The following CDK14 variants were observed in gnomAD, a reference collection of about 807,000 sequenced individuals.
CDK14 encodes the protein cyclin-dependent kinase 14.
CDK14 carries 34 observed loss-of-function variants against 60.7 expected under a neutral mutation model. That is an observed-to-expected ratio of 0.56 (90% CI 0.43 to 0.75). The LOEUF (loss-of-function observed/expected upper bound fraction) is 0.75, where lower values mean the gene tolerates loss of function less well. Among genes scored for constraint, CDK14 ranks in the 30% least tolerant of loss-of-function variants. CDK14 has a pLI of 0.00. For missense variants in CDK14, 482 were observed against 564.1 expected (o/e 0.85, Z 1.47); for synonymous variants, 197 against 203.7 (o/e 0.97, Z 0.28).
intron 11 of CDK14, among the ~76,000 whole-genome samples, chr7:91,054,160 T>A (rs1797484554): frequency 6.7e-6 from 1 of 149,292 alleles, no homozygotes; most frequent in Admixed American, 6.7e-5. Flanking sequence ...TCCCACTTAC[T>A]CTTTACACTT....
intron 14 of CDK14, among the ~76,000 whole-genome samples, chr7:91,158,098 T>C: frequency 6.8e-6 from 1 of 147,634 alleles, no homozygotes; most frequent in Non-Finnish European, 1.5e-5. Context: ...ATTAAATATA[T>C]ATAAATATTT....
intron 10 of CDK14, among the ~76,000 whole-genome samples, chr7:91,034,979 T>A (rs962683160): frequency 8.7e-5 from 10 of 115,234 alleles, no homozygotes; most frequent in Non-Finnish European, 7.8e-5. Flanking sequence ...CACACACACA[T>A]TGATAGCTTA....
intron 12 of CDK14, among the ~76,000 whole-genome samples, chr7:91,099,572 T>C (rs1237012558): frequency 6.6e-6 from 1 of 152,132 alleles, no homozygotes; most frequent in Non-Finnish European, 1.5e-5. Flanking sequence ...TTTTAAAACC[T>C]GTGAAGTCGG....
At chr7:90,711,882 A>ACGTTTTTTTTT (rs1408956904) in intron 2 of CDK14, among the ~76,000 whole-genome samples, 3 of 110,820 alleles carry the variant, frequency 2.7e-5, no homozygotes. Flanking sequence ...ATAGTCTACT[A>ACGTTTTTTTTT]TGTTTTTTTT....
At chr7:91,028,593 T>G (rs1293912140) in intron 10 of CDK14, among the ~76,000 whole-genome samples, 1 of 152,156 alleles carries the variant, frequency 6.6e-6, no homozygotes, top group Non-Finnish European at 1.5e-5. Context: ...CAACACCTAT[T>G]TTTTGACTTT....
intron 2 of CDK14, among the ~76,000 whole-genome samples, chr7:90,633,375 A>T (rs1350791434): frequency 6.6e-6 from 1 of 152,204 alleles, no homozygotes; most frequent in Non-Finnish European, 1.5e-5. Context: ...TTTAATATGT[A>T]CCTCATGGTA....
chr7:91,205,154 A>G (rs892525980), intron 14 of CDK14, among the ~76,000 whole-genome samples: 1 of 152,172 alleles, frequency 6.6e-6, no homozygotes, highest in African/African-American at 2.4e-5. Context: ...TAAACATATA[A>G]TTTCCATATG....
intron 11 of CDK14, among the ~76,000 whole-genome samples, chr7:91,068,591 C>T (rs928888751): frequency 6.6e-6 from 1 of 152,084 alleles, no homozygotes; most frequent in African/African-American, 2.4e-5. Flanking sequence ...CCCTTTCTGT[C>T]GCACTTCATT....
chr7:90,923,107 CTTT>C (rs1319576107), intron 8 of CDK14, among the ~76,000 whole-genome samples: 5 of 129,354 alleles, frequency 3.9e-5, no homozygotes, highest in African/African-American at 2.8e-5. Flanking sequence ...CCCTAAACAT[CTTT>C]TTTTTTTTTT....
chr7:90,958,671 T>G (rs1794506584), intron 9 of CDK14, among the ~76,000 whole-genome samples: 1 of 152,188 alleles, frequency 6.6e-6, no homozygotes, highest in Non-Finnish European at 1.5e-5. Context: ...TTCTCATCCC[T>G]TTCCTACTTC....
intron 3 of CDK14, among the ~76,000 whole-genome samples, chr7:90,742,093 C>CTCCTA (rs1803370727): frequency 6.6e-6 from 1 of 151,774 alleles, no homozygotes; most frequent in African/African-American, 2.4e-5. Context: ...TGATACTTGG[C>CTCCTA]CTTTTGTTTA....
chr7:90,863,851 C>T (rs1185123507), intron 6 of CDK14, among the ~76,000 whole-genome samples: 1 of 152,078 alleles, frequency 6.6e-6, no homozygotes, highest in Non-Finnish European at 1.5e-5. Flanking sequence ...AAGACTTGGA[C>T]TTGAACTCAT....
Position 90,826,606 on chromosome 7 carries a change from G to A in CDK14, c.544+35954G>A, listed in dbSNP as rs59377969. On this transcript the variant is annotated intron_variant, in intron 5 of 14. Coordinates refer to ENST00000380050, the MANE Select transcript of CDK14 (RefSeq NM_001287135.2). ...AGTTCTAGCAGGAAGGCAAGGTTGG[G>A]GGAGTTTTTTGTTTTTTAAAAAGGC... 6.0e-3 allele frequency among the ~76,000 whole-genome samples: 913 copies of A among 152,142 alleles called. 15 individuals carry two copies. Among genetic ancestry groups the A allele is most frequent in the African/African-American group, 0.021 (863 of 41,514 alleles).
chr7:91,103,406 A>G (rs535950375), intron 12 of CDK14, among the ~76,000 whole-genome samples: 1 of 151,902 alleles, frequency 6.6e-6, no homozygotes, highest in African/African-American at 2.4e-5. Context: ...CTGGCAGAGG[A>G]CTCCAGGTTT....
At chr7:91,183,688 A>G (rs569507310) in intron 14 of CDK14, among the ~76,000 whole-genome samples, 10 of 152,326 alleles carry the variant, frequency 6.6e-5, no homozygotes, top group African/African-American at 1.9e-4. Context: ...CTGAACTGAC[A>G]CCTTAGTTCT....
intron 2 of CDK14, among the ~76,000 whole-genome samples, chr7:90,650,245 CATA>C (rs1366827417): frequency 6.6e-6 from 1 of 152,192 alleles, no homozygotes; most frequent in African/African-American, 2.4e-5. Context: ...CTATTGGCTG[CATA>C]ATGTCTTCTT....
At chr7:90,866,217 TACACACACATACACATACACAC>T (rs1164754643) in intron 6 of CDK14, among the ~76,000 whole-genome samples, 3 of 107,424 alleles carry the variant, frequency 2.8e-5, no homozygotes, top group Non-Finnish European at 3.9e-5. Flanking sequence ...TCTTCTGAAA[TACACACACATACACATACACAC>T]ACACACACAC....
chr7:90,654,542 A>G (rs1275201488), intron 2 of CDK14, among the ~76,000 whole-genome samples: 1 of 152,216 alleles, frequency 6.6e-6, no homozygotes, highest in East Asian at 1.9e-4. Context: ...TCATCATTTC[A>G]CTAAAAAATA....
At chr7:90,666,674 G>C (rs1395222376) in intron 2 of CDK14, among the ~76,000 whole-genome samples, 1 of 152,202 alleles carries the variant, frequency 6.6e-6, no homozygotes, top group Admixed American at 6.5e-5. Flanking sequence ...CATGGTTTTG[G>C]TTAAGAAGAG....
Sources: allele counts gnomAD v4.1 joint callset (sites outside exome capture counted in the v4.1 genomes callset), GRCh38; gene constraint gnomAD v4.1.1; transcripts MANE v1.5; gene names NCBI Gene and HGNC (gene_info 2026-07-23, HGNC 2026-07-21).